The following SLC39A14 variants were observed in gnomAD, a reference collection of about 807,000 sequenced individuals.
SLC39A14 encodes metal cation symporter ZIP14.
SLC39A14 carries 19 observed loss-of-function variants against 45.5 expected under a neutral mutation model. The observed-to-expected ratio is 0.42, with a 90% CI of 0.29 to 0.61. The LOEUF is 0.61. SLC39A14 is among the 20% of genes least tolerant of loss of function. SLC39A14 has a pLI of 0.22. For missense variants in SLC39A14, 447 were observed against 616.5 expected (o/e 0.73, Z 2.91); for synonymous variants, 264 against 251.3 (o/e 1.05, Z -0.48).
In SLC39A14 at chr8:22,421,561, T is replaced by C; in HGVS notation, c.*1863T>C. 2 of 985,384 alleles carry C rather than the reference T, an allele frequency of 2.0e-6. No individual in the cohort carries two copies. Among genetic ancestry groups the C allele is most frequent in the Non-Finnish European group, 1.2e-6 (1 of 829,484 alleles). 61.0% of individuals were successfully genotyped at this position (985,384 alleles called of 1,614,324 possible). A position where few individuals can be genotyped will look rare whatever the true frequency, so the allele number is the denominator to read the frequency against. On this transcript the variant is annotated 3_prime_UTR_variant, in exon 9 of 9. Coordinates refer to ENST00000381237, the MANE Select transcript of SLC39A14 (RefSeq NM_001128431.4). ...AATGTTGGAATCTAACTTTTTATAT[T>C]GTCATTATTATTGTTGTTTTTAAAC...
intron 2 of SLC39A14, among the ~76,000 whole-genome samples, chr8:22,405,718 G>A (rs1277895789): frequency 6.6e-6 from 1 of 152,188 alleles, no homozygotes; most frequent in African/African-American, 2.4e-5. Context: ...GAGATTATCT[G>A]CATTTTATAG....
intron 1 of SLC39A14, among the ~76,000 whole-genome samples, chr8:22,383,147 C>T (rs967024783): frequency 1.3e-5 from 2 of 152,176 alleles, no homozygotes; most frequent in Non-Finnish European, 2.9e-5. Context: ...GGAGGATAGC[C>T]TCAGCAAATC....
intron 8 of SLC39A14, among the ~76,000 whole-genome samples, chr8:22,431,350 G>C (rs1406987303): frequency 1.3e-5 from 2 of 152,088 alleles, no homozygotes; most frequent in Non-Finnish European, 2.9e-5. Context: ...GTTTTGTGTA[G>C]CTATTTTAGA....
intron 8 of SLC39A14, among the ~76,000 whole-genome samples, chr8:22,432,612 G>A (rs1467305630): frequency 2.0e-5 from 3 of 151,048 alleles, no homozygotes; most frequent in Admixed American, 1.3e-4. Context: ...CCGAGTAGCT[G>A]GGACCACAGG....
At chr8:22,369,661 C>T (rs1832826616) in intron 1 of SLC39A14, among the ~76,000 whole-genome samples, 1 of 152,176 alleles carries the variant, frequency 6.6e-6, no homozygotes, top group Non-Finnish European at 1.5e-5. Flanking sequence ...TAATTCTGGC[C>T]TTTTGAGATA....
chr8:22,375,141 A>AG (rs1237368733), intron 1 of SLC39A14, among the ~76,000 whole-genome samples: 1 of 152,132 alleles, frequency 6.6e-6, no homozygotes, highest in East Asian at 1.9e-4. Context: ...CTTAGCCCTC[A>AG]GAAGCATCTA....
chr8:22,397,547 C>T (rs770942725), intron 1 of SLC39A14, among the ~76,000 whole-genome samples: 5 of 151,806 alleles, frequency 3.3e-5, no homozygotes, highest in Non-Finnish European at 5.9e-5. Context: ...CGCTGCACTC[C>T]GGCCTGGGCG....
At chr8:22,386,461 T>C (rs1165697753) in intron 1 of SLC39A14, among the ~76,000 whole-genome samples, 4 of 150,316 alleles carry the variant, frequency 2.7e-5, no homozygotes, top group African/African-American at 7.4e-5. Flanking sequence ...GAGATGGGGT[T>C]TCGCCATGTT....
intron 2 of SLC39A14, among the ~76,000 whole-genome samples, chr8:22,405,825 G>A (rs1386029922): frequency 3.9e-5 from 6 of 152,194 alleles, no homozygotes; most frequent in Non-Finnish European, 8.8e-5. Flanking sequence ...TATCATCTCT[G>A]CTAATCAGAC....
At chr8:22,389,253 C>T (rs1178489126) in intron 1 of SLC39A14, among the ~76,000 whole-genome samples, 1 of 152,212 alleles carries the variant, frequency 6.6e-6, no homozygotes, top group East Asian at 1.9e-4. Context: ...TAAGAGTTTG[C>T]ACTTCCAGCT....
In SLC39A14 at chr8:22,400,219, G is replaced by C. The variant is rs181307248; in HGVS notation, c.-15-4477G>C. On this transcript the variant is annotated intron_variant, in intron 1 of 8. Coordinates refer to ENST00000381237, the MANE Select transcript of SLC39A14 (RefSeq NM_001128431.4). Reference sequence around the variant, plus strand: ...TTCAGACCAGGCTTTGATTTACAAAGCAATTCAGCTTCTGGCTTTGCTGCT... The same window carrying C: ...TTCAGACCAGGCTTTGATTTACAAACCAATTCAGCTTCTGGCTTTGCTGCT... Among the ~76,000 whole-genome samples the C allele has an allele frequency of 5.6e-4, 85 of 152,326 alleles. 1 individual carries two copies. In the East Asian group the frequency reaches 0.016, roughly 28 times the overall value.
intron 3 of SLC39A14, chr8:22,409,847 G>C (rs747765140): frequency 4.1e-6 from 5 of 1,222,558 alleles, no homozygotes; most frequent in Non-Finnish European, 5.9e-6. Context: ...ATCTCAGTCT[G>C]CCCCATCACA....
intron 1 of SLC39A14, among the ~76,000 whole-genome samples, chr8:22,381,386 T>C (rs988181334): frequency 1.4e-4 from 21 of 152,138 alleles, no homozygotes; most frequent in Admixed American, 1.4e-3. Context: ...TTCTCCTGCC[T>C]CAGCCTCCCA....
chr8:22,422,738 A>G (rs766873846), downstream of SLC39A14: 2 of 984,674 alleles, frequency 2.0e-6, no homozygotes, highest in Non-Finnish European at 2.4e-6. Context: ...GCTGTTGAAC[A>G]CAAGGTGGCG....
chr8:22,425,028 C>CAA (rs71544902), downstream of SLC39A14, among the ~76,000 whole-genome samples: 4,651 of 73,928 alleles, frequency 0.063, 268 homozygotes, highest in South Asian at 0.11. Context: ...GACTCCGTCT[C>CAA]AAAAAAAAAA....
intron 1 of SLC39A14, among the ~76,000 whole-genome samples, chr8:22,386,423 C>T (rs557412252): frequency 9.2e-5 from 14 of 152,054 alleles, no homozygotes; most frequent in Admixed American, 3.3e-4. Context: ...TGTGCCACCA[C>T]GCCTGGCTAA....
At chr8:22,423,254 A>G, downstream of SLC39A14, among the ~76,000 whole-genome samples, 2 of 149,126 alleles carry the variant, frequency 1.3e-5, no homozygotes, top group East Asian at 4.0e-4. Context: ...AGCGATTCTC[A>G]TGCCTCAGCT....
rs779434942 is a variant in SLC39A14, at chr8:22,416,287, G to C, written c.1147+7G>C. ...GAGTTCCCACATGAGCTAGGTAAGCGTGCGTCCCCCGTTCCACTGGTGCTC... is the reference window on the plus strand; with the variant it reads ...GAGTTCCCACATGAGCTAGGTAAGCCTGCGTCCCCCGTTCCACTGGTGCTC... On this transcript the variant is annotated splice_region_variant and intron_variant, in intron 7 of 8. Transcript: ENST00000381237. 6.2e-7 allele frequency: 1 copy of C among 1,612,080 alleles called. No individual in the cohort carries two copies. The highest frequency in any genetic ancestry group is 8.5e-7 in the Non-Finnish European group (1 of 1,179,638).
chr8:22,397,726 A>G (rs1186805919), intron 1 of SLC39A14, among the ~76,000 whole-genome samples: 2 of 152,060 alleles, frequency 1.3e-5, no homozygotes, highest in Admixed American at 1.3e-4. Context: ...CTATTGTGTG[A>G]CTCACAGAGA....
Sources: gnomAD v4.1 joint callset for allele counts (sites outside exome capture counted in the v4.1 genomes callset) on GRCh38, gnomAD v4.1.1 for gene constraint, MANE v1.5 for transcripts, NCBI Gene and HGNC (gene_info 2026-07-23, HGNC 2026-07-21) for gene names.